The following SYNE1 variants were observed in gnomAD, a reference collection of about 807,000 sequenced individuals.
SYNE1 encodes nesprin-1.
SYNE1 carries 616 observed loss-of-function variants against 1,111.0 expected under a neutral mutation model. The ratio of observed to expected loss-of-function variants is 0.55; its 90% CI spans 0.52 to 0.59. SYNE1 has a LOEUF of 0.59. Ranked by LOEUF, SYNE1 falls within the 20% of genes least tolerant of loss-of-function variation. The probability of loss-of-function intolerance (pLI) is 0.00; values close to 1 mark genes in which losing one functional copy is unlikely to be tolerated. For missense variants in SYNE1, 10,006 were observed against 10,417.0 expected (o/e 0.96, Z 1.72); for synonymous variants, 3,855 against 3,825.8 (o/e 1.01, Z -0.28).
At chr6:152,606,962 G>A (rs2099616798) in intron 3 of SYNE1, among the ~76,000 whole-genome samples, 1 of 135,672 alleles carries the variant, frequency 7.4e-6, no homozygotes, top group Non-Finnish European at 1.6e-5. Context: ...CAAAAGGAAA[G>A]GCATGCCTCG....
chr6:152,593,292 G>T lies in SYNE1; in HGVS notation c.67+34973C>A, dbSNP rs370434574. Among the ~76,000 whole-genome samples the T allele has an allele frequency of 4.8e-4, 73 of 152,236 alleles. 1 individual carries two copies. In the South Asian group the frequency reaches 0.014, roughly 29 times the overall value. On this transcript the variant is annotated intron_variant, in intron 3 of 145. Coordinates refer to ENST00000367255, the MANE Select transcript of SYNE1 (RefSeq NM_182961.4). ...ACTACAATGAAATGTGTTATGAAAT[G>T]ACATAGCTTGGGCTGGGCACGGTGG...
intron 85 of SYNE1, 41 bp from the exon 86 acceptor site, chr6:152,318,304 A>G: frequency 6.2e-7 from 1 of 1,610,726 alleles, no homozygotes; most frequent in Non-Finnish European, 8.5e-7. Context: ...GAGTACAGAA[A>G]ATAAATTTCT....
At chr6:152,400,979 C>G (rs765729420) in intron 47 of SYNE1, among the ~76,000 whole-genome samples, 159 bp downstream of exon 47, 1 of 152,194 alleles carries the variant, frequency 6.6e-6, no homozygotes, top group African/African-American at 2.4e-5. Context: ...CAGTTCTTCA[C>G]GTGTTGCTTA....
At chr6:152,492,790 G>C (rs549016372) in intron 11 of SYNE1, among the ~76,000 whole-genome samples, 2 of 152,170 alleles carry the variant, frequency 1.3e-5, no homozygotes, top group East Asian at 1.9e-4. Context: ...CAATACGGAG[G>C]CTACCCACTC....
At chr6:152,391,222 A>T (rs1345018083) in intron 52 of SYNE1, 55 bp downstream of exon 52, 1 of 1,609,834 alleles carries the variant, frequency 6.2e-7, no homozygotes, top group Non-Finnish European at 8.5e-7. Context: ...GCACTTGTGA[A>T]TCTAATCAAA....
chr6:152,373,125 G>C lies in SYNE1; in HGVS notation c.9419C>G (p.Ala3140Gly). 2 of 1,613,916 alleles carry C rather than the reference G, an allele frequency of 1.2e-6. No homozygotes were observed. The highest frequency in any genetic ancestry group is 1.7e-6 in the Non-Finnish European group (2 of 1,179,980). Residue 3140 changes from alanine to glycine, a missense_variant, in exon 59 of 146, where the codon GCG becomes GGG. Transcript: ENST00000367255. Reference sequence around the variant, plus strand: ...TGTAACTTTGGCCTGGATCCCTTTCGCTTTCTCTTTGGTCAGCAGGGTACT... The same window carrying C: ...TGTAACTTTGGCCTGGATCCCTTTCCCTTTCTCTTTGGTCAGCAGGGTACT... ...LLSTLLTKEKAKGIQAKVTAA... is the reference protein window; with the variant it reads ...LLSTLLTKEKGKGIQAKVTAA...
chr6:152,377,011 G>A, intron 56 of SYNE1, 99 bp from the exon 57 acceptor site: 1 of 1,454,820 alleles, frequency 6.9e-7, no homozygotes, highest in Non-Finnish European at 9.5e-7. Context: ...AATTATTAGT[G>A]AGAGAAGAAC....
chr6:152,144,042 C>T (rs2059010477), intron 137 of SYNE1: 2 of 458,680 alleles, frequency 4.4e-6, no homozygotes, highest in Non-Finnish European at 8.0e-6. Flanking sequence ...TGACCCTCTT[C>T]CAGCTGAACC....
At position 152,325,131 on chromosome 6, in the gene SYNE1, TCTC is replaced by T. The variant is rs2096022819; in HGVS notation, c.15607_15609del (p.Glu5203del). The stretch of plus-strand genomic sequence containing the variant: ...TCATCCACTGCATCTTCCAGGATCT[TCTC>T]CTGGTCCTGGGCCACAGCTCGAAGG... On this transcript the variant is annotated inframe_deletion, in exon 81 of 146. Transcript: ENST00000367255. The T allele has an allele frequency of 6.2e-7, 1 of 1,614,224 alleles. No individual in the cohort carries two copies. The highest frequency in any genetic ancestry group is 8.5e-7 in the Non-Finnish European group (1 of 1,180,034).
intron 3 of SYNE1, among the ~76,000 whole-genome samples, chr6:152,603,845 A>G (rs1214759431): frequency 7.8e-6 from 1 of 127,860 alleles, no homozygotes; most frequent in Admixed American, 7.6e-5. Flanking sequence ...ATCTATCTAT[A>G]CATATATGTA....
chr6:152,442,107 G>A lies in SYNE1; in HGVS notation c.3976C>T (p.Arg1326Cys). The change falls in exon 31 of 146, where the codon CGC (arginine) becomes TGC (cysteine). Residue 1326 changes from arginine (R) to cysteine (C), a missense_variant. By Grantham distance (180) the Arg-to-Cys change is radical. Coordinates refer to ENST00000367255, the MANE Select transcript of SYNE1 (RefSeq NM_182961.4). ...KLESTLDGLE[R>C]SRERQERRIQ... ...CGGCGTTCCTGCCTCTCCCGGCTGC[G>A]CTCCAGGCCATCCAGTGTGCTCTCC... The A allele has an allele frequency of 6.2e-7, 1 of 1,613,986 alleles. No homozygotes were observed. Among genetic ancestry groups the A allele is most frequent in the Non-Finnish European group, 8.5e-7 (1 of 1,180,018 alleles).
chr6:152,383,901 C>T (rs112499134), intron 55 of SYNE1, among the ~76,000 whole-genome samples: 11 of 152,308 alleles, frequency 7.2e-5, no homozygotes, highest in South Asian at 4.2e-4. Context: ...CAGGCTCCTC[C>T]GCATGCAATT....
intron 139 of SYNE1, among the ~76,000 whole-genome samples, chr6:152,140,589 T>C (rs1237074230): frequency 6.6e-6 from 1 of 152,134 alleles, no homozygotes; most frequent in African/African-American, 2.4e-5. Flanking sequence ...TCCCAGCTAC[T>C]CGAGGGGAGG....
At chr6:152,350,526 C>A (rs945796317) in intron 71 of SYNE1, 92 bp downstream of exon 71, 3 of 1,563,094 alleles carry the variant, frequency 1.9e-6, no homozygotes, top group African/African-American at 2.7e-5. Flanking sequence ...CTAACCCGTA[C>A]CAGGCCTTAA....
In SYNE1 at chr6:152,201,830, A is replaced by G. The variant is rs899533876; in HGVS notation, c.23139T>C (p.Arg7713=). The G allele has an allele frequency of 5.6e-6, 9 of 1,613,922 alleles. No individual in the cohort carries two copies. The highest frequency in any genetic ancestry group is 6.8e-6 in the Non-Finnish European group (8 of 1,179,832). The part of the protein sequence containing the change: ...HHEELHAEQM[R]CKELENAVGS... ...TCTCAGTTCAGTAATTTACCTTGCA[A>G]CGCATTTGTTCTGCATGGAGCTCTT... is the stretch of plus-strand genomic sequence containing the variant. Residue 7713 remains arginine (R), a synonymous_variant, in exon 127 of 146, where the codon CGT becomes CGC. Transcript: ENST00000367255.
chr6:152,326,579 CT>C lies in SYNE1; in HGVS notation c.15009del (p.Ala5004GlnfsTer20). Reference protein sequence around the residue: ...SQCQRYYQVFQAANDWLEDAQ... With the variant: ...SQCQRYYQVFXAANDWLEDAQ... The stretch of plus-strand genomic sequence containing the variant: ...GCATCCTCAAGCCAGTCATTGGCTG[CT>C]TGAAATACCTGATAATACCTTTGAC... On this transcript the variant is annotated frameshift_variant, in exon 79 of 146. Coordinates refer to ENST00000367255, the MANE Select transcript of SYNE1 (RefSeq NM_182961.4). LOFTEE classifies it high-confidence loss of function. The C allele has an allele frequency of 1.2e-6, 2 of 1,614,190 alleles. No homozygotes were observed. Among genetic ancestry groups the C allele is most frequent in the Non-Finnish European group, 1.7e-6 (2 of 1,180,038 alleles).
At position 152,387,387 on chromosome 6, in the gene SYNE1, A is replaced by T; in HGVS notation, c.8178-6T>A. 6.2e-7 allele frequency: 1 copy of T among 1,613,808 alleles called. No homozygotes were observed. The highest frequency in any genetic ancestry group is 2.2e-5 in the East Asian group (1 of 44,884). On this transcript the variant is annotated splice_polypyrimidine_tract_variant and splice_region_variant and intron_variant, in intron 53 of 145. Coordinates refer to ENST00000367255, the MANE Select transcript of SYNE1 (RefSeq NM_182961.4). ...TAATCACAGACTCTAAAGTGCTAGA[A>T]TTAATGTCACATATTAACAAAAATG...
intron 24 of SYNE1, 99 bp downstream of exon 24, chr6:152,455,327 C>G: frequency 3.6e-5 from 47 of 1,323,622 alleles, no homozygotes; most frequent in Non-Finnish European, 4.4e-5. Context: ...CATCTGCCCG[C>G]TCTCCTTCTG....
Position 152,350,156 on chromosome 6 carries a change from G to C in SYNE1, c.11901+12C>G, listed in dbSNP as rs2096716331. 1 of 1,612,620 alleles carries C rather than the reference G, an allele frequency of 6.2e-7. No homozygotes were observed. The highest frequency in any genetic ancestry group is 8.5e-7 in the Non-Finnish European group (1 of 1,180,032). ...GCCATCCCAAAGGCAGCCCTTTAAAGGTCAGGGGTACCTTGTGGTGGGCCA... is the reference window on the plus strand; with the variant it reads ...GCCATCCCAAAGGCAGCCCTTTAAACGTCAGGGGTACCTTGTGGTGGGCCA... On this transcript the variant is annotated intron_variant, in intron 72 of 145. Coordinates refer to ENST00000367255, the MANE Select transcript of SYNE1 (RefSeq NM_182961.4).
Sources: gnomAD v4.1 joint callset for allele counts (sites outside exome capture counted in the v4.1 genomes callset) on GRCh38, gnomAD v4.1.1 for gene constraint, MANE v1.5 for transcripts, NCBI Gene and HGNC (gene_info 2026-07-23, HGNC 2026-07-21) for gene names.